Variants in BEND7 observed in about 807,000 individuals in gnomAD.
BEND7 encodes BEN domain containing 7.
A neutral mutation model predicts 50.9 loss-of-function variants in BEND7; 28 were observed. The observed-to-expected ratio is 0.55, with a 90% CI of 0.41 to 0.75. BEND7 has a LOEUF of 0.75. Ranked by LOEUF, BEND7 falls within the 30% of genes least tolerant of loss-of-function variation. The pLI is 0.00. For synonymous variants in BEND7, 170 were observed against 183.9 expected (o/e 0.92, Z 0.61); for missense variants, 477 against 491.3 (o/e 0.97, Z 0.28).
At chr10:13,447,215 G>C (rs1187685252) in intron 8 of BEND7, 51 bp downstream of exon 8, 1 of 1,586,556 alleles carries the variant, frequency 6.3e-7, no homozygotes, top group South Asian at 1.1e-5. Flanking sequence ...AAATAGTTTT[G>C]TGGGCTGTAT....
At position 13,528,467 on chromosome 10, in the gene BEND7, G is replaced by A. The variant is rs764753946; in HGVS notation, c.61+6C>T. ...GCCTGCCCCCGCCGCCCCGGCGGCC[G>A]CTTACCTCGGCTCACCAGTTTGAAG... On this transcript the variant is annotated splice_donor_region_variant and intron_variant, in intron 1 of 8. Coordinates refer to ENST00000466271, the MANE Select transcript of BEND7 (RefSeq NM_001369863.1). The A allele has an allele frequency of 3.9e-6, 4 of 1,021,318 alleles. No individual in the cohort carries two copies. In the South Asian group the frequency reaches 1.1e-4, roughly 28 times the overall value. 63.3% of individuals were successfully genotyped at this position (1,021,318 alleles called of 1,614,324 possible).
downstream of BEND7, chr10:13,439,535 G>A (rs567578876): frequency 7.2e-5 from 111 of 1,543,932 alleles, no homozygotes; most frequent in South Asian, 1.3e-3. Context: ...ATGAATGAAT[G>A]GAGTAACTCA....
intron 6 of BEND7, among the ~76,000 whole-genome samples, chr10:13,472,608 A>C (rs1267695268): frequency 6.7e-6 from 1 of 148,312 alleles, no homozygotes; most frequent in Non-Finnish European, 1.5e-5. Context: ...ATCACTGTTA[A>C]GACTTGGGAT....
intron 8 of BEND7, chr10:13,442,453 T>C (rs570257322): frequency 3.9e-4 from 60 of 152,340 alleles, no homozygotes; most frequent in African/African-American, 1.4e-3. Flanking sequence ...CACCATCTTA[T>C]TAGAGAAAGA....
intron 5 of BEND7, among the ~76,000 whole-genome samples, chr10:13,492,268 C>A (rs1310749826): frequency 1.3e-5 from 2 of 152,034 alleles, no homozygotes; most frequent in Admixed American, 1.3e-4. Context: ...CATTTATGCC[C>A]ATCTACAAAG....
At chr10:13,453,983 A>C (rs1838362621) in intron 6 of BEND7, among the ~76,000 whole-genome samples, 1 of 152,220 alleles carries the variant, frequency 6.6e-6, no homozygotes, top group Non-Finnish European at 1.5e-5. Flanking sequence ...CATGGCAACA[A>C]TCCGATTGTG....
At chr10:13,478,614 G>A (rs773742958) in intron 6 of BEND7, among the ~76,000 whole-genome samples, 1 of 152,134 alleles carries the variant, frequency 6.6e-6, no homozygotes, top group Non-Finnish European at 1.5e-5. Context: ...TCTTGGAAGG[G>A]TGAGATTAGG....
chr10:13,479,766 A>G (rs1386330699), intron 6 of BEND7, among the ~76,000 whole-genome samples: 2 of 152,074 alleles, frequency 1.3e-5, no homozygotes, highest in African/African-American at 2.4e-5. Context: ...AAGTGAAAAA[A>G]TTCTGATTGA....
chr10:13,439,796 A>C (rs1475366321), downstream of BEND7, among the ~76,000 whole-genome samples: 1 of 152,108 alleles, frequency 6.6e-6, no homozygotes, highest in Admixed American at 6.5e-5. Context: ...GGATCGACCT[A>C]AGATAGGACT....
chr10:13,456,833 G>A (rs1182102871), intron 6 of BEND7, among the ~76,000 whole-genome samples: 1 of 152,134 alleles, frequency 6.6e-6, no homozygotes, highest in African/African-American at 2.4e-5. Flanking sequence ...ACAAATTTAG[G>A]CTAATTGGGG....
intron 5 of BEND7, among the ~76,000 whole-genome samples, chr10:13,482,237 C>G (rs2075916970): frequency 6.6e-6 from 1 of 152,204 alleles, no homozygotes; most frequent in Non-Finnish European, 1.5e-5. Context: ...TTAGTCATAA[C>G]CTGCACTACT....
In BEND7 at chr10:13,528,572, GGCA is replaced by G. The variant is rs1438066446; in HGVS notation, c.-42_-40del. 9.1e-3 allele frequency: 206 copies of G among 22,550 alleles called. 1 individual carries two copies. The highest frequency in any genetic ancestry group is 0.04 in the South Asian group (18 of 448). The allele number at this position is 22,550 out of a possible 1,614,324, so 1.4% of individuals were successfully genotyped here. A position where few individuals can be genotyped will look rare whatever the true frequency, so the allele number is the denominator to read the frequency against. ...CGGCGGCGGGGGCTGAGGAGGCGGC[GGCA>G]GCGGCGGCAGCGGCAGCGGCGGCAG... On this transcript the variant is annotated 5_prime_UTR_variant, in exon 1 of 9. Coordinates refer to ENST00000466271, the MANE Select transcript of BEND7 (RefSeq NM_001369863.1).
At chr10:13,475,575 G>T (rs1369174665) in intron 6 of BEND7, among the ~76,000 whole-genome samples, 16 of 152,136 alleles carry the variant, frequency 1.1e-4, no homozygotes, top group Non-Finnish European at 1.9e-4. Flanking sequence ...GAAAAGACCT[G>T]CCCTGACACT....
chr10:13,502,926 G>C lies in BEND7; in HGVS notation c.146-2846C>G, dbSNP rs1043045770. On this transcript the variant is annotated intron_variant, in intron 2 of 8. Coordinates refer to ENST00000466271, the MANE Select transcript of BEND7 (RefSeq NM_001369863.1). ...ACTGACACATCACAGGAGAAGGGAT[G>C]TGTCTCCTGCCAAAGGTCCTGCCTC... 3.8e-5 allele frequency: 37 copies of C among 985,292 alleles called. 3 individuals carry two copies. The South Asian group carries it at 1.7e-3, about 45-fold the overall frequency. The allele number at this position is 985,292 out of a possible 1,614,324, so 61.0% of individuals were successfully genotyped here.
rs5783327 is a variant in BEND7, at chr10:13,496,928, C to CAAAAAAAAAAAA, written c.449-52_449-41dup. The CAAAAAAAAAAAA allele has an allele frequency of 1.4e-5, 16 of 1,133,374 alleles. No homozygotes were observed. In the South Asian group the frequency reaches 1.9e-4, roughly 14 times the overall value. The allele number at this position is 1,133,374 out of a possible 1,614,324, so 70.2% of individuals were successfully genotyped here. A position where few individuals can be genotyped will look rare whatever the true frequency, so the allele number is the denominator to read the frequency against. ...AAAGAATGACATACTCCAAACAAAC[C>CAAAAAAAAAAAA]AAAAAAAAAAAAAAAAATCATAAAG... On this transcript the variant is annotated intron_variant, in intron 3 of 8. Coordinates refer to ENST00000466271, the MANE Select transcript of BEND7 (RefSeq NM_001369863.1).
chr10:13,512,391 CAA>C (rs1365102587), intron 2 of BEND7, among the ~76,000 whole-genome samples: 1 of 152,178 alleles, frequency 6.6e-6, no homozygotes, highest in East Asian at 1.9e-4. Context: ...AAACACACAG[CAA>C]AAGTCTCCAA....
At chr10:13,515,500 T>G (rs747318444) in intron 2 of BEND7, among the ~76,000 whole-genome samples, 1 of 152,240 alleles carries the variant, frequency 6.6e-6, no homozygotes, top group Non-Finnish European at 1.5e-5. Flanking sequence ...GATTCTTATT[T>G]ACAAGGATAT....
chr10:13,519,808 G>A (rs548783746), intron 2 of BEND7, among the ~76,000 whole-genome samples: 8 of 152,334 alleles, frequency 5.3e-5, no homozygotes, highest in Non-Finnish European at 7.3e-5. Context: ...TTTAAAAACC[G>A]ATAGGAGAGA....
intron 3 of BEND7, 113 bp from the exon 4 acceptor site, chr10:13,497,001 G>A: frequency 7.7e-7 from 1 of 1,305,980 alleles, no homozygotes; most frequent in South Asian, 1.6e-5. Flanking sequence ...TGAAGCATGT[G>A]CAATTATGAT....
Sources: allele counts gnomAD v4.1 joint callset (sites outside exome capture counted in the v4.1 genomes callset), GRCh38; gene constraint gnomAD v4.1.1; transcripts MANE v1.5; gene names NCBI Gene and HGNC (gene_info 2026-07-23, HGNC 2026-07-21).